NPM2: variants seen among roughly 807,000 people sequenced by gnomAD.
The protein encoded by NPM2 is nucleoplasmin-2.
A neutral mutation model predicts 32.0 loss-of-function variants in NPM2; 25 were observed. The observed-to-expected ratio is 0.78, with a 90% CI of 0.57 to 1.09. NPM2 has a LOEUF of 1.09. NPM2 is among the 50% of genes least tolerant of loss of function. The pLI, the probability that NPM2 is intolerant of heterozygous loss-of-function variation, is 0.00. For missense variants in NPM2, 282 were observed against 259.9 expected, an observed-to-expected ratio of 1.08 and a Z score of -0.58; for synonymous variants, 111 against 94.2, an observed-to-expected ratio of 1.18 and a Z score of -1.04.
chr8:22,036,107 G>A (rs2117469807), intron 8 of NPM2, among the ~76,000 whole-genome samples: 1 of 152,118 alleles, frequency 6.6e-6, no homozygotes, highest in South Asian at 2.1e-4. Context: ...TTGTGGGCCA[G>A]GTGTGGTGGT....
At chr8:22,036,558 G>C in intron 9 of NPM2, 32 bp downstream of exon 9, 1 of 1,581,330 alleles carries the variant, frequency 6.3e-7, no homozygotes, top group Non-Finnish European at 8.6e-7. Flanking sequence ...TGGCCCTTGG[G>C]ACAGGCGAGT....
intron 2 of NPM2, 185 bp from the exon 3 acceptor site, chr8:22,025,031 C>G: frequency 1.8e-6 from 1 of 556,588 alleles, no homozygotes; most frequent in East Asian, 3.2e-5. Flanking sequence ...GAGCCCCGGG[C>G]TGCGCACCCC....
At chr8:22,027,873 C>T (rs1482501746) in intron 5 of NPM2, among the ~76,000 whole-genome samples, 1 of 152,162 alleles carries the variant, frequency 6.6e-6, no homozygotes, top group Non-Finnish European at 1.5e-5. Context: ...TCCCAAAGTG[C>T]TGGATTTACA....
chr8:22,030,733 G>A (rs1800410158), intron 5 of NPM2, among the ~76,000 whole-genome samples: 1 of 152,074 alleles, frequency 6.6e-6, no homozygotes, highest in Admixed American at 6.6e-5. Flanking sequence ...AGTCTGGAGT[G>A]CATTGTTGCA....
At chr8:22,028,697 T>C (rs1175877345) in intron 5 of NPM2, among the ~76,000 whole-genome samples, 1 of 152,150 alleles carries the variant, frequency 6.6e-6, no homozygotes, top group Non-Finnish European at 1.5e-5. Context: ...GTCATGGCTC[T>C]CTCTCATTTG....
rs1331777500 is a variant in NPM2 at position 22,034,265 on chromosome 8, G to A, written c.521G>A (p.Ser174Asn). 1 of 1,593,294 alleles carries A rather than the reference G, an allele frequency of 6.3e-7. No individual in the cohort carries two copies. The highest frequency in any genetic ancestry group is 8.5e-7 in the Non-Finnish European group (1 of 1,170,006). ...AGGCTGGTGCCCCAGAAGCAGGCGA[G>A]CGTGGCTAAGGTGGGGGAAGGAGCG... ...VKRLVPQKQASVAKKKKLEKE... is the reference protein window; with the variant it reads ...VKRLVPQKQANVAKKKKLEKE... The change falls in exon 7 of 10, where the codon AGC (serine) becomes AAC (asparagine). Residue 174 changes from serine to asparagine, a missense_variant. Physicochemically the swap from Ser to Asn is conservative, Grantham distance 46. Transcript: ENST00000518119.
chr8:22,027,750 G>T (rs929653488), intron 5 of NPM2, among the ~76,000 whole-genome samples: 1 of 152,056 alleles, frequency 6.6e-6, no homozygotes, highest in Non-Finnish European at 1.5e-5. Flanking sequence ...GGGATTACAG[G>T]CATGTTCCAC....
intron 3 of NPM2, 40 bp from the exon 4 acceptor site, chr8:22,025,396 C>A (rs373523401): frequency 1.2e-6 from 2 of 1,606,860 alleles, no homozygotes; most frequent in South Asian, 1.1e-5. Context: ...CCTTTGGGAA[C>A]GAATGGAGGG....
chr8:22,025,401 G>T, intron 3 of NPM2, 35 bp from the exon 4 acceptor site: 1 of 1,609,026 alleles, frequency 6.2e-7, no homozygotes, highest in East Asian at 2.2e-5. Flanking sequence ...GGGAACGAAT[G>T]GAGGGCCCCA....
chr8:22,025,403 A>T, intron 3 of NPM2, 33 bp from the exon 4 acceptor site: 1 of 1,608,878 alleles, frequency 6.2e-7, no homozygotes, highest in Non-Finnish European at 8.5e-7. Context: ...GAACGAATGG[A>T]GGGCCCCACT....
intron 8 of NPM2, 47 bp downstream of exon 8, chr8:22,034,591 A>G: frequency 6.8e-7 from 1 of 1,468,822 alleles, no homozygotes; most frequent in South Asian, 1.2e-5. Context: ...CAGCTGAGAT[A>G]TACAGTGTTA....
chr8:22,025,041 C>G (rs956871647), intron 2 of NPM2, 175 bp from the exon 3 acceptor site: 7 of 569,518 alleles, frequency 1.2e-5, no homozygotes, highest in East Asian at 9.3e-5. Flanking sequence ...CTGCGCACCC[C>G]GCTAGGAGGT....
At chr8:22,026,439 A>C (rs540772623) in intron 5 of NPM2, among the ~76,000 whole-genome samples, 4 of 149,268 alleles carry the variant, frequency 2.7e-5, no homozygotes, top group Non-Finnish European at 5.9e-5. Flanking sequence ...AATTGTGAAT[A>C]ATGGCAGTTC....
chr8:22,033,596 C>T (rs555158811), intron 6 of NPM2, among the ~76,000 whole-genome samples: 4 of 151,732 alleles, frequency 2.6e-5, no homozygotes, highest in Admixed American at 2.0e-4. Context: ...ACCATAGCAA[C>T]GCGGCATGAT....
intron 5 of NPM2, among the ~76,000 whole-genome samples, chr8:22,032,423 G>T (rs1242219955): frequency 6.6e-6 from 1 of 152,160 alleles, no homozygotes; most frequent in Non-Finnish European, 1.5e-5. Context: ...CACAAACCTG[G>T]TTACGAGTTG....
At position 22,025,017 on chromosome 8, in the gene NPM2, G is replaced by C. The variant is rs1032174484; in HGVS notation, c.-34+187G>C. On this transcript the variant is annotated intron_variant, in intron 2 of 9. Transcript: ENST00000518119. Reference sequence around the variant, plus strand: ...GAGTCCCGCTGTCCTGTACGCGCCCGGTCGAGCCCCGGGCTGCGCACCCCG... The same window carrying C: ...GAGTCCCGCTGTCCTGTACGCGCCCCGTCGAGCCCCGGGCTGCGCACCCCG... 7 of 542,736 alleles carry C rather than the reference G, an allele frequency of 1.3e-5. No homozygotes were observed. The East Asian group carries it at 1.6e-4, about 13-fold the overall frequency. 33.6% of individuals were successfully genotyped at this position (542,736 alleles called of 1,614,324 possible). A position where few individuals can be genotyped will look rare whatever the true frequency, so the allele number is the denominator to read the frequency against.
At chr8:22,033,351 C>G in intron 6 of NPM2, 128 bp downstream of exon 6, 2 of 757,488 alleles carry the variant, frequency 2.6e-6, no homozygotes, top group Non-Finnish European at 4.6e-6. Context: ...GGCAACATGA[C>G]AGCCAGCAGC....
At chr8:22,029,051 AT>A (rs1207977536) in intron 5 of NPM2, among the ~76,000 whole-genome samples, 1 of 151,898 alleles carries the variant, frequency 6.6e-6, no homozygotes, top group Non-Finnish European at 1.5e-5. Context: ...TTTATCTTTA[AT>A]TTTTTTAACA....
chr8:22,031,512 CT>C (rs1445579667), intron 5 of NPM2, among the ~76,000 whole-genome samples: 8 of 152,344 alleles, frequency 5.3e-5, no homozygotes, highest in Non-Finnish European at 1.2e-4. Context: ...GTGGCGCAAT[CT>C]CGGCTCACTG....
Sources: allele counts gnomAD v4.1 joint callset (sites outside exome capture counted in the v4.1 genomes callset), GRCh38; gene constraint gnomAD v4.1.1; transcripts MANE v1.5; gene names NCBI Gene and HGNC (gene_info 2026-07-23, HGNC 2026-07-21).